ARID1B: variants seen among roughly 807,000 people sequenced by gnomAD.
ARID1B encodes the protein AT-rich interactive domain-containing protein 1B.
A neutral mutation model predicts 212.3 loss-of-function variants in ARID1B; 30 were observed. The observed-to-expected ratio is 0.14, with a 90% confidence interval of 0.11 to 0.19. The LOEUF (loss-of-function observed/expected upper bound fraction) is 0.19, where lower values mean the gene tolerates loss of function less well. Ranked by LOEUF, ARID1B falls within the 10% of genes least tolerant of loss-of-function variation. ARID1B has a pLI of 1.00. For missense variants in ARID1B, 2,891 were observed against 3,204.0 expected, an observed-to-expected ratio of 0.90 and a Z score of 2.36; for synonymous variants, 1,402 against 1,301.7, an observed-to-expected ratio of 1.08 and a Z score of -1.66.
chr6:156,909,042 A>G (rs1789641143), intron 3 of ARID1B, among the ~76,000 whole-genome samples: 1 of 151,834 alleles, frequency 6.6e-6, no homozygotes, highest in South Asian at 2.1e-4. Context: ...ATTTTAAGTC[A>G]CAGATACATT....
chr6:156,922,356 A>G (rs1399996896), intron 3 of ARID1B, among the ~76,000 whole-genome samples: 1 of 151,970 alleles, frequency 6.6e-6, no homozygotes, highest in Non-Finnish European at 1.5e-5. Flanking sequence ...TATTTTTAGT[A>G]GAGATGGGGT....
At chr6:156,930,705 G>T (rs1301638707) in intron 3 of ARID1B, among the ~76,000 whole-genome samples, 1 of 152,042 alleles carries the variant, frequency 6.6e-6, no homozygotes, top group Non-Finnish European at 1.5e-5. Context: ...ATGCAATGTT[G>T]TGTGGCCATA....
chr6:157,030,949 A>G (rs1191536421), intron 4 of ARID1B, among the ~76,000 whole-genome samples: 1 of 152,078 alleles, frequency 6.6e-6, no homozygotes, highest in Admixed American at 6.6e-5. Flanking sequence ...CGGTGCACTG[A>G]GCGATTTCAG....
intron 2 of ARID1B, among the ~76,000 whole-genome samples, chr6:156,872,429 C>G (rs1435571295): frequency 6.6e-6 from 1 of 152,320 alleles, no homozygotes; most frequent in East Asian, 1.9e-4. Flanking sequence ...TCAAGTGATT[C>G]TCCTGCCTCA....
At chr6:156,895,040 T>C (rs1788271866) in intron 2 of ARID1B, among the ~76,000 whole-genome samples, 1 of 152,224 alleles carries the variant, frequency 6.6e-6, no homozygotes, top group Non-Finnish European at 1.5e-5. Flanking sequence ...GTGGTGTTCA[T>C]GGTCAAATGA....
chr6:156,945,258 TTTTTTTTTTTG>T (rs1458947785), intron 4 of ARID1B, among the ~76,000 whole-genome samples: 11 of 118,790 alleles, frequency 9.3e-5, no homozygotes, highest in Non-Finnish European at 1.4e-4. Flanking sequence ...TTTTTTTTTT[TTTTTTTTTTTG>T]TGAGTGTTTA....
At chr6:156,806,617 G>T (rs113272591) in intron 1 of ARID1B, among the ~76,000 whole-genome samples, 34 of 152,190 alleles carry the variant, frequency 2.2e-4, no homozygotes, top group Non-Finnish European at 3.8e-4. Flanking sequence ...TTTCGTGTGT[G>T]CTGAAGCAGA....
intron 2 of ARID1B, among the ~76,000 whole-genome samples, chr6:156,850,992 T>G (rs1354839191): frequency 6.6e-6 from 1 of 152,238 alleles, no homozygotes; most frequent in African/African-American, 2.4e-5. Context: ...TCTTTGAACC[T>G]TGCGTATTTG....
At chr6:157,060,830 T>G (rs540443670) in intron 4 of ARID1B, among the ~76,000 whole-genome samples, 1 of 152,270 alleles carries the variant, frequency 6.6e-6, no homozygotes, top group South Asian at 2.1e-4. Flanking sequence ...CTGTCCTTCC[T>G]TTCCATCTCA....
intron 2 of ARID1B, among the ~76,000 whole-genome samples, chr6:156,856,064 G>C (rs1784908292): frequency 6.6e-6 from 1 of 152,142 alleles, no homozygotes; most frequent in East Asian, 1.9e-4. Flanking sequence ...AGACTTTCTG[G>C]ACCCCTGCTT....
At chr6:156,932,150 G>GGT (rs1251479437) in intron 3 of ARID1B, among the ~76,000 whole-genome samples, 3 of 136,702 alleles carry the variant, frequency 2.2e-5, no homozygotes, top group African/African-American at 9.1e-5. Context: ...AAAAAAGGGG[G>GGT]GGGGCGGGGT....
intron 17 of ARID1B, 43 bp downstream of exon 17, chr6:157,198,950 T>G: frequency 6.8e-7 from 1 of 1,463,608 alleles, no homozygotes; most frequent in South Asian, 1.3e-5. Flanking sequence ...TTTCTGGTTC[T>G]GTCCTGGAGG....
At chr6:157,123,246 C>CCCCA (rs1334407133) in intron 6 of ARID1B, among the ~76,000 whole-genome samples, 6 of 125,358 alleles carry the variant, frequency 4.8e-5, no homozygotes, top group African/African-American at 1.3e-4. Flanking sequence ...CCGCCCCCCC[C>CCCCA]CCACACACAC....
chr6:156,901,706 A>C (rs770460253), intron 3 of ARID1B, 181 bp downstream of exon 3: 60 of 799,196 alleles, frequency 7.5e-5, no homozygotes, highest in Non-Finnish European at 1.0e-4. Context: ...TCCCCTTTTG[A>C]GATTGGAGGG....
chr6:156,997,934 T>C lies in ARID1B; in HGVS notation c.2247+62358T>C, dbSNP rs535901028. ...TCTGCAAATGTGAATACTAGAAAAG[T>C]GTTTATAAATGTTAGAAGAATGGGT... On this transcript the variant is annotated intron_variant, in intron 4 of 19. Coordinates refer to ENST00000636930, the MANE Select transcript of ARID1B (RefSeq NM_001374828.1). Among the ~76,000 whole-genome samples the C allele has an allele frequency of 3.3e-5, 5 of 152,258 alleles. No individual in the cohort carries two copies. The East Asian group carries it at 9.6e-4, about 29-fold the overall frequency.
chr6:157,094,178 A>G lies in ARID1B; in HGVS notation c.2491+9273A>G, dbSNP rs1785460152. Among the ~76,000 whole-genome samples the G allele has an allele frequency of 1.3e-5, 2 of 152,106 alleles. No individual in the cohort carries two copies. Among genetic ancestry groups the G allele is most frequent in the Admixed American group, 1.3e-4 (2 of 15,270 alleles). On this transcript the variant is annotated intron_variant, in intron 5 of 19. Coordinates refer to ENST00000636930, the MANE Select transcript of ARID1B (RefSeq NM_001374828.1). The surrounding 1 kb of genome is among the most constrained non-coding windows in gnomAD (Gnocchi z 4.3). ...TCTGGGAAAGGAGATCCAGGCAGAG[A>G]ACGGAGCAAACTCAAAGGCCCTGAG...
intron 4 of ARID1B, among the ~76,000 whole-genome samples, chr6:157,070,002 T>C (rs1393888621): frequency 1.3e-5 from 2 of 152,192 alleles, no homozygotes; most frequent in African/African-American, 4.8e-5. Context: ...TGATATCATA[T>C]CTGTTTTTGC....
At chr6:157,056,835 TAAA>T (rs956428668) in intron 4 of ARID1B, among the ~76,000 whole-genome samples, 2 of 147,628 alleles carry the variant, frequency 1.4e-5, no homozygotes, top group Non-Finnish European at 3.0e-5. Context: ...AAACTTTTCT[TAAA>T]AAGCTTTTTT....
rs1259371771 is a variant in ARID1B, at chr6:157,203,711, C to T, written c.5264-155C>T. ...TACAGCTATGGCCTCCATTTAAAAT[C>T]GGAAATGATCACGCTTAACTGTCCT... On this transcript the variant is annotated intron_variant, in intron 18 of 19. Transcript: ENST00000636930. The surrounding 1 kb of genome is among the most constrained non-coding windows in gnomAD (Gnocchi z 4.4). 6 of 947,424 alleles carry T rather than the reference C, an allele frequency of 6.3e-6. No individual in the cohort carries two copies. Among genetic ancestry groups the T allele is most frequent in the South Asian group, 5.0e-5 (3 of 59,840 alleles). 58.7% of individuals were successfully genotyped at this position (947,424 alleles called of 1,614,324 possible).
Sources: allele counts gnomAD v4.1 joint callset (sites outside exome capture counted in the v4.1 genomes callset), GRCh38; gene constraint gnomAD v4.1.1; non-coding constraint Gnocchi (gnomAD v3.1); transcripts MANE v1.5; gene names NCBI Gene and HGNC (gene_info 2026-07-23, HGNC 2026-07-21).